The following ZDHHC23 variants were observed in gnomAD, a reference collection of about 807,000 sequenced individuals.
ZDHHC23 encodes the protein zDHHC palmitoyltransferase 23, also known as palmitoyltransferase ZDHHC23.
ZDHHC23 carries 41 observed loss-of-function variants against 40.2 expected under a neutral mutation model. That is an observed-to-expected ratio of 1.02 (90% CI 0.79 to 1.32). The LOEUF (loss-of-function observed/expected upper bound fraction) is 1.32. Ranked by LOEUF, ZDHHC23 falls within the 40% of genes most tolerant of loss-of-function variation. The pLI is 0.00. For synonymous variants in ZDHHC23, 204 were observed against 210.2 expected (o/e 0.97, Z 0.26); for missense variants, 471 against 541.5 (o/e 0.87, Z 1.29).
chr3:113,956,389 TTTTG>T lies in ZDHHC23; in HGVS notation c.924_927del (p.Leu309SerfsTer12). The T allele has an allele frequency of 6.2e-7, 1 of 1,614,228 alleles. No individual in the cohort carries two copies. Among genetic ancestry groups the T allele is most frequent in the East Asian group, 2.2e-5 (1 of 44,890 alleles). On this transcript the variant is annotated frameshift_variant, in exon 4 of 5. Transcript: ENST00000638807. LOFTEE classifies it high-confidence loss of function. The stretch of plus-strand genomic sequence containing the variant: ...AATCATCAAGCATTTATACTTGCCC[TTTTG>T]ATCTTCTTGCTCACCTCGGTGTATG...
At chr3:113,967,218 C>G (rs1940280526), downstream of ZDHHC23, among the ~76,000 whole-genome samples, 1 of 152,194 alleles carries the variant, frequency 6.6e-6, no homozygotes, top group Admixed American at 6.5e-5. Context: ...GGGCACACTC[C>G]CAGTCCTTGA....
the ZDHHC23 span, among the ~76,000 whole-genome samples, chr3:113,977,156 G>A: frequency 6.6e-6 from 1 of 152,148 alleles, no homozygotes; most frequent in African/African-American, 2.4e-5. Flanking sequence ...AATTAGCCGG[G>A]TGTCGTGGTG....
At chr3:113,956,924 T>A (rs1391610496) in intron 4 of ZDHHC23, among the ~76,000 whole-genome samples, 1 of 152,250 alleles carries the variant, frequency 6.6e-6, no homozygotes, top group African/African-American at 2.4e-5. Flanking sequence ...TTTAGTCCAA[T>A]CTTAATTTAC....
At chr3:113,947,922 G>A (rs930106892), upstream of ZDHHC23, 3 of 147,892 alleles carry the variant, frequency 2.0e-5, no homozygotes, top group African/African-American at 7.3e-5. Context: ...AAGCGCGCGT[G>A]GACCTGGCGC....
chr3:113,948,162 C>G lies in ZDHHC23; in HGVS notation c.-146C>G, dbSNP rs1291478395. 1 of 152,304 alleles carries G rather than the reference C, an allele frequency of 6.6e-6. No individual in the cohort carries two copies. Among genetic ancestry groups the G allele is most frequent in the Non-Finnish European group, 1.5e-5 (1 of 68,150 alleles). 9.4% of individuals were successfully genotyped at this position (152,304 alleles called of 1,614,324 possible). A position where few individuals can be genotyped will look rare whatever the true frequency, so the allele number is the denominator to read the frequency against. On this transcript the variant is annotated 5_prime_UTR_variant, in exon 1 of 5. Coordinates refer to ENST00000638807, the MANE Select transcript of ZDHHC23 (RefSeq NM_001320466.2). ...ACCCATCTCCCCTCCGCCTCTTTGG[C>G]TGCAGTTGCACCTCCGGCCAGAGGG... is the stretch of plus-strand genomic sequence containing the variant.
chr3:113,960,066 T>A lies in ZDHHC23; in HGVS notation c.*1436T>A. 1 of 989,330 alleles carries A rather than the reference T, an allele frequency of 1.0e-6. No individual in the cohort carries two copies. Among genetic ancestry groups the A allele is most frequent in the Admixed American group, 5.8e-5 (1 of 17,334 alleles). The allele number at this position is 989,330 out of a possible 1,614,324, so 61.3% of individuals were successfully genotyped here. A position where few individuals can be genotyped will look rare whatever the true frequency, so the allele number is the denominator to read the frequency against. The stretch of plus-strand genomic sequence containing the variant: ...AAAGATAATTCATGACTCCTTAAAT[T>A]TGCCTTGGCTTATAGCTTAATATAG... On this transcript the variant is annotated 3_prime_UTR_variant, in exon 5 of 5. Transcript: ENST00000638807.
Position 113,949,106 on chromosome 3 carries a change from C to G in ZDHHC23, c.161+143C>G, listed in dbSNP as rs189456525. 3,685 of 1,099,980 alleles carry G rather than the reference C, an allele frequency of 3.4e-3. 11 individuals are homozygous for G. The highest frequency in any genetic ancestry group is 3.7e-3 in the Non-Finnish European group (2,908 of 778,108). The allele number at this position is 1,099,980 out of a possible 1,614,324, so 68.1% of individuals were successfully genotyped here. A position where few individuals can be genotyped will look rare whatever the true frequency, so the allele number is the denominator to read the frequency against. ...CTAAAATGAGAGTTGGCTTCTGTGT[C>G]AAGTGTGAGGATTTTAGAAAGATGG... On this transcript the variant is annotated intron_variant, in intron 2 of 4. Coordinates refer to ENST00000638807, the MANE Select transcript of ZDHHC23 (RefSeq NM_001320466.2).
Position 113,960,327 on chromosome 3 carries a change from G to C in ZDHHC23, c.*1697G>C. ...AACGAATGATAGGCTCTGTGCCTGG[G>C]GATGTTAGCAGACTCTGGGGTTTGT... On this transcript the variant is annotated 3_prime_UTR_variant, in exon 5 of 5. Transcript: ENST00000638807. The C allele has an allele frequency of 9.4e-7, 1 of 1,061,354 alleles. No individual in the cohort carries two copies. The highest frequency in any genetic ancestry group is 1.1e-6 in the Non-Finnish European group (1 of 878,810). 65.7% of individuals were successfully genotyped at this position (1,061,354 alleles called of 1,614,324 possible).
intron 2 of ZDHHC23, among the ~76,000 whole-genome samples, chr3:113,952,509 T>C (rs999038960): frequency 6.6e-6 from 1 of 152,200 alleles, no homozygotes; most frequent in African/African-American, 2.4e-5. Context: ...TTTGTTCAGA[T>C]AGTCTAGGAT....
At chr3:113,950,860 A>C (rs115448121) in intron 2 of ZDHHC23, among the ~76,000 whole-genome samples, 4,247 of 152,326 alleles carry the variant, frequency 0.028, 100 homozygotes, top group Non-Finnish European at 0.039. Context: ...ATGGTAGGAC[A>C]TGCATAGAAT....
At chr3:113,978,307 C>T in the ZDHHC23 span, 1 of 1,613,926 alleles carries the variant, frequency 6.2e-7, no homozygotes, top group South Asian at 1.1e-5. Flanking sequence ...AATTTTCTTA[C>T]TTCTTCCTGC....
At chr3:113,978,295 A>G in the ZDHHC23 span, 1 of 1,614,036 alleles carries the variant, frequency 6.2e-7, no homozygotes, top group Non-Finnish European at 8.5e-7. Flanking sequence ...AAATGTACAC[A>G]AAATTTTCTT....
At chr3:113,957,429 C>T (rs558124320) in intron 4 of ZDHHC23, 98 of 345,322 alleles carry the variant, frequency 2.8e-4, no homozygotes, top group African/African-American at 1.9e-3. Flanking sequence ...AGTTTCCTTC[C>T]TCACTGTGTG....
At chr3:113,978,042 T>C in the ZDHHC23 span, 1 of 795,078 alleles carries the variant, frequency 1.3e-6, no homozygotes. Context: ...ACATTGCTGG[T>C]GAGCCGGGAC....
the ZDHHC23 span, among the ~76,000 whole-genome samples, chr3:113,974,974 A>G: frequency 1.3e-5 from 2 of 152,196 alleles, no homozygotes; most frequent in African/African-American, 4.8e-5. Flanking sequence ...TGATAATTAC[A>G]TGTGGGTGTA....
chr3:113,966,334 T>C (rs1240111650), downstream of ZDHHC23, among the ~76,000 whole-genome samples: 1 of 152,206 alleles, frequency 6.6e-6, no homozygotes, highest in Non-Finnish European at 1.5e-5. Context: ...TTAGGATTTA[T>C]TAGTGTCCAC....
In ZDHHC23 at chr3:113,958,316, G is replaced by C. The variant is rs1170615383; in HGVS notation, c.1041-47G>C. On this transcript the variant is annotated intron_variant, in intron 4 of 4. Transcript: ENST00000638807. ...AACGTGAGAATGATGACAGTTTTCT[G>C]AATTTGACAAAAACGGCAGCCCTGA... The C allele has an allele frequency of 7.2e-6, 11 of 1,536,478 alleles. No individual in the cohort carries two copies. The Admixed American group carries it at 1.3e-4, about 19-fold the overall frequency.
chr3:113,976,008 A>G, the ZDHHC23 span, among the ~76,000 whole-genome samples: 1 of 152,208 alleles, frequency 6.6e-6, no homozygotes, highest in Non-Finnish European at 1.5e-5. Flanking sequence ...CTGTAATCCT[A>G]GCACTTTGGG....
At position 113,959,680 on chromosome 3, in the gene ZDHHC23, T is replaced by C; in HGVS notation, c.*1050T>C. ...TGCTGTCAGTTATAGCACTAAATTGTGAAAATCAGCCTTCTGGCATTCACA... is the reference window on the plus strand; with the variant it reads ...TGCTGTCAGTTATAGCACTAAATTGCGAAAATCAGCCTTCTGGCATTCACA... On this transcript the variant is annotated 3_prime_UTR_variant, in exon 5 of 5. Transcript: ENST00000638807. 8.8e-7 allele frequency: 1 copy of C among 1,137,670 alleles called. No individual in the cohort carries two copies. Among genetic ancestry groups the C allele is most frequent in the East Asian group, 6.0e-5 (1 of 16,694 alleles). 70.5% of individuals were successfully genotyped at this position (1,137,670 alleles called of 1,614,324 possible). A position where few individuals can be genotyped will look rare whatever the true frequency, so the allele number is the denominator to read the frequency against.
Sources: gnomAD v4.1 joint callset for allele counts (sites outside exome capture counted in the v4.1 genomes callset) on GRCh38, gnomAD v4.1.1 for gene constraint, MANE v1.5 for transcripts, NCBI Gene and HGNC (gene_info 2026-07-23, HGNC 2026-07-21) for gene names.